The following AKAP13 variants were observed in gnomAD, a reference collection of about 807,000 sequenced individuals.
The protein encoded by AKAP13 is A-kinase anchor protein 13.
Under a neutral mutation model 264.5 loss-of-function variants are expected in AKAP13, and 80 were observed. That is an observed-to-expected ratio of 0.30 (90% CI 0.25 to 0.36). AKAP13 has a LOEUF of 0.36. Ranked by LOEUF, AKAP13 falls within the 10% of genes least tolerant of loss-of-function variation. The pLI, the probability that AKAP13 is intolerant of heterozygous loss-of-function variation, is 1.00. For synonymous variants in AKAP13, 1,380 were observed against 1,250.2 expected (o/e 1.10, Z -2.19); for missense variants, 3,712 against 3,435.2 (o/e 1.08, Z -2.01).
At chr15:85,623,422 A>T (rs1221648452) in intron 8 of AKAP13, among the ~76,000 whole-genome samples, 1 of 152,156 alleles carries the variant, frequency 6.6e-6, no homozygotes, top group Admixed American at 6.5e-5. Context: ...AATCCCTCCC[A>T]TTGACATCCT....
At position 85,708,248 on chromosome 15, in the gene AKAP13, G is replaced by T. The variant is rs1263298917; in HGVS notation, c.5532+162G>T. On this transcript the variant is annotated intron_variant, in intron 18 of 36. Transcript: ENST00000394518. The surrounding 1 kb of genome is among the most constrained non-coding windows in gnomAD (Gnocchi z 4.3). ...AACTAAAAAATATTTTTTCTCTTAA[G>T]CGATCAATCTTCTTCTTGAGTAACA... 6.6e-6 allele frequency among the ~76,000 whole-genome samples: 1 copy of T among 152,174 alleles called. No homozygotes were observed. The highest frequency in any genetic ancestry group is 6.5e-5 in the Admixed American group (1 of 15,286).
intron 1 of AKAP13, among the ~76,000 whole-genome samples, chr15:85,428,631 T>G (rs1320900384): frequency 6.6e-6 from 1 of 152,256 alleles, no homozygotes; most frequent in Non-Finnish European, 1.5e-5. Context: ...ATTTGTGGGT[T>G]TGTACCCATG....
intron 26 of AKAP13, among the ~76,000 whole-genome samples, chr15:85,723,674 G>A (rs7164426): frequency 0.8 from 121,366 of 152,092 alleles, 48,752 homozygotes; most frequent in Middle Eastern, 0.86. Flanking sequence ...ATTGGGATCT[G>A]TGGCAAAACT....
At chr15:85,691,258 A>G (rs1488298779) in intron 16 of AKAP13, among the ~76,000 whole-genome samples, 1 of 152,176 alleles carries the variant, frequency 6.6e-6, no homozygotes, top group Non-Finnish European at 1.5e-5. Context: ...TTTGTAGTCC[A>G]GTTGGTTTGA....
intron 1 of AKAP13, among the ~76,000 whole-genome samples, chr15:85,424,542 C>T (rs2072677198): frequency 1.3e-5 from 2 of 152,202 alleles, no homozygotes; most frequent in African/African-American, 4.8e-5. Flanking sequence ...CTGGCTTGAT[C>T]TTCTATCCAG....
chr15:85,744,651 G>C lies in AKAP13; in HGVS notation c.8416G>C (p.Ala2806Pro), dbSNP rs1252256676. 3 of 1,612,820 alleles carry C rather than the reference G, an allele frequency of 1.9e-6. No homozygotes were observed. Among genetic ancestry groups the C allele is most frequent in the Non-Finnish European group, 2.5e-6 (3 of 1,179,598 alleles). ...AGATGGTCCCGCGTCAGAAGTATCAGCAGAGGGTGAAGAGATCTTCTGCTG... is the reference window on the plus strand; with the variant it reads ...AGATGGTCCCGCGTCAGAAGTATCACCAGAGGGTGAAGAGATCTTCTGCTG... ...PGDGPASEVS[A>P]EGEEIFC The change falls in exon 37 of 37, where the codon GCA becomes CCA. Residue 2806 changes from alanine to proline, a missense_variant. By Grantham distance (27) the Ala-to-Pro change is conservative. Around this residue, in one of 3 missense-constraint regions of AKAP13, gnomAD observed 611 missense variants for 539.3 expected, o/e 1.13. Coordinates refer to ENST00000394518, the MANE Select transcript of AKAP13 (RefSeq NM_007200.5).
chr15:85,383,172 C>A lies in AKAP13; in HGVS notation c.-12+2374C>A, dbSNP rs548026595. On this transcript the variant is annotated intron_variant, in intron 1 of 36. Transcript: ENST00000394518. Reference sequence around the variant, plus strand: ...CCTCCCACAGTGTTGGAATTACAGACGTGAGCCACTCCACCCAGCCAGTGA... The same window carrying A: ...CCTCCCACAGTGTTGGAATTACAGAAGTGAGCCACTCCACCCAGCCAGTGA... Among the ~76,000 whole-genome samples, 109 of 152,060 alleles carry A rather than the reference C, an allele frequency of 7.2e-4. 1 individual carries two copies. Among genetic ancestry groups the A allele is most frequent in the African/African-American group, 2.6e-3 (108 of 41,468 alleles).
chr15:85,429,959 A>G (rs907685132), intron 1 of AKAP13, among the ~76,000 whole-genome samples: 1 of 152,210 alleles, frequency 6.6e-6, no homozygotes, highest in Non-Finnish European at 1.5e-5. Flanking sequence ...CTGATTCACC[A>G]TGTTTAGTTA....
intron 8 of AKAP13, among the ~76,000 whole-genome samples, chr15:85,602,654 T>A (rs918828633): frequency 1.3e-5 from 2 of 151,932 alleles, no homozygotes; most frequent in African/African-American, 4.8e-5. Context: ...CACACCTGGA[T>A]AATTTTTGTA....
rs1174376992 is a variant in AKAP13, at chr15:85,747,872, T to G, written c.*3195T>G. On this transcript the variant is annotated 3_prime_UTR_variant, in exon 37 of 37. Coordinates refer to ENST00000394518, the MANE Select transcript of AKAP13 (RefSeq NM_007200.5). ...GGTAATACTATTCAGAGTCGCCCCT[T>G]TGCTCATTTTCTCCCGTATTTGTTA... The G allele has an allele frequency of 2.6e-5, 4 of 153,310 alleles. 1 individual carries two copies. Among genetic ancestry groups the G allele is most frequent in the African/African-American group, 9.7e-5 (4 of 41,412 alleles). 9.5% of individuals were successfully genotyped at this position (153,310 alleles called of 1,614,324 possible).
chr15:85,719,046 C>T lies in AKAP13; in HGVS notation c.6002-30C>T, dbSNP rs371562452. Reference sequence around the variant, plus strand: ...GGGCGAATGCTTATAAAAGAGTGTTCCTGACACTTGATCTTTTTCCTCCTT... The same window carrying T: ...GGGCGAATGCTTATAAAAGAGTGTTTCTGACACTTGATCTTTTTCCTCCTT... On this transcript the variant is annotated intron_variant, in intron 22 of 36. Transcript: ENST00000394518. 4.6e-4 allele frequency: 744 copies of T among 1,610,412 alleles called. 1 individual carries two copies. Among genetic ancestry groups the T allele is most frequent in the Non-Finnish European group, 5.9e-4 (699 of 1,178,780 alleles).
At chr15:85,508,119 CTT>C (rs1359852687) in intron 2 of AKAP13, among the ~76,000 whole-genome samples, 1 of 151,022 alleles carries the variant, frequency 6.6e-6, no homozygotes, top group Non-Finnish European at 1.5e-5. Context: ...TGGAGCCTCT[CTT>C]TTCCTCAGGC....
In AKAP13 at chr15:85,543,761, C is replaced by T. The variant is rs184427630; in HGVS notation, c.479-11C>T. ...TTCCTCACTTACGTTCATTTTCTCC[C>T]CCATTTACAGATGCTGGCCCGCGAG... On this transcript the variant is annotated splice_polypyrimidine_tract_variant and intron_variant, in intron 4 of 36. Transcript: ENST00000394518. 3.1e-6 allele frequency: 5 copies of T among 1,589,710 alleles called. No homozygotes were observed. In the African/African-American group the frequency reaches 5.4e-5, roughly 17 times the overall value.
At chr15:85,572,034 A>C (rs1181940489) in intron 5 of AKAP13, among the ~76,000 whole-genome samples, 1 of 152,184 alleles carries the variant, frequency 6.6e-6, no homozygotes, top group Non-Finnish European at 1.5e-5. Context: ...GTGGTTAGAG[A>C]AAGGGATTTC....
chr15:85,473,853 T>G (rs1489271708), intron 1 of AKAP13, among the ~76,000 whole-genome samples: 1 of 152,222 alleles, frequency 6.6e-6, no homozygotes, highest in Non-Finnish European at 1.5e-5. Context: ...TGCAGCAATT[T>G]AGTGCACAGG....
chr15:85,648,025 A>C (rs1019793766), intron 10 of AKAP13, among the ~76,000 whole-genome samples: 1 of 148,270 alleles, frequency 6.7e-6, no homozygotes, highest in Non-Finnish European at 1.5e-5. Flanking sequence ...ATGTTATTTT[A>C]TTTTTTTTTT....
rs114166928 is a variant in AKAP13, at chr15:85,540,178, G to T, written c.479-3594G>T. On this transcript the variant is annotated intron_variant, in intron 4 of 36. Coordinates refer to ENST00000394518, the MANE Select transcript of AKAP13 (RefSeq NM_007200.5). ...TGGGCAAAAGTCAGTCCACCAACATGGGCCAAAATATCACGTGAGGAAGGG... is the reference window on the plus strand; with the variant it reads ...TGGGCAAAAGTCAGTCCACCAACATTGGCCAAAATATCACGTGAGGAAGGG... Among the ~76,000 whole-genome samples, 232 of 152,264 alleles carry T rather than the reference G, an allele frequency of 1.5e-3. 1 individual carries two copies. The highest frequency in any genetic ancestry group is 5.4e-3 in the African/African-American group (224 of 41,544).
chr15:85,672,966 A>T (rs531329855), intron 14 of AKAP13, among the ~76,000 whole-genome samples: 1 of 152,196 alleles, frequency 6.6e-6, no homozygotes, highest in Non-Finnish European at 1.5e-5. Context: ...TTGTTTAGGA[A>T]CAGAATGTTT....
intron 10 of AKAP13, among the ~76,000 whole-genome samples, chr15:85,650,773 AAAAAAAAAAAAAAAAAAC>A (rs2082780442): frequency 8.4e-5 from 12 of 143,142 alleles, no homozygotes; most frequent in Admixed American, 3.5e-4. Context: ...AAAAAAAAAA[AAAAAAAAAAAAAAAAAAC>A]AACAAAAACT....
Sources: allele counts gnomAD v4.1 joint callset (sites outside exome capture counted in the v4.1 genomes callset), GRCh38; gene constraint gnomAD v4.1.1; regional missense constraint gnomAD v4.1.1; non-coding constraint Gnocchi (gnomAD v3.1); transcripts MANE v1.5; gene names NCBI Gene and HGNC (gene_info 2026-07-23, HGNC 2026-07-21).